NOX4: variants seen among roughly 807,000 people sequenced by gnomAD.
NOX4 encodes kidney oxidase-1.
In NOX4, 69 loss-of-function variants were observed where a neutral mutation model predicts 87.6. The ratio of observed to expected loss-of-function variants is 0.79; its 90% CI spans 0.65 to 0.96. The LOEUF (loss-of-function observed/expected upper bound fraction) is 0.96. Among genes scored for constraint, NOX4 ranks in the 40% least tolerant of loss-of-function variants. NOX4 has a pLI of 0.00. For missense variants in NOX4, 680 were observed against 681.5 expected, an observed-to-expected ratio of 1.00 and a Z score of 0.02; for synonymous variants, 275 against 238.2, an observed-to-expected ratio of 1.15 and a Z score of -1.42.
intron 8 of NOX4, among the ~76,000 whole-genome samples, chr11:89,419,422 GT>G (rs899947076): frequency 4.0e-5 from 6 of 150,930 alleles, no homozygotes; most frequent in African/African-American, 1.2e-4. Context: ...CATCAGTATA[GT>G]TTTTTTTTAA....
chr11:89,343,898 A>ACCCACTC (rs1368243264), intron 13 of NOX4, among the ~76,000 whole-genome samples: 4 of 151,996 alleles, frequency 2.6e-5, no homozygotes, highest in Admixed American at 2.6e-4. Flanking sequence ...TTCCTCCCTG[A>ACCCACTC]CCCACTCAAA....
intron 11 of NOX4, among the ~76,000 whole-genome samples, chr11:89,376,560 T>C (rs1316247032): frequency 6.6e-6 from 1 of 152,158 alleles, no homozygotes; most frequent in Non-Finnish European, 1.5e-5. Context: ...TACAGTATAA[T>C]ATGTGTAGTT....
intron 7 of NOX4, among the ~76,000 whole-genome samples, chr11:89,425,361 GC>G (rs1259512015): frequency 2.0e-5 from 3 of 147,422 alleles, no homozygotes; most frequent in Middle Eastern, 3.2e-3. Context: ...CATTGAAAAA[GC>G]ATGCAAAGAC....
chr11:89,495,546 C>G (rs141557142), upstream of NOX4, among the ~76,000 whole-genome samples: 578 of 152,194 alleles, frequency 3.8e-3, 4 homozygotes, highest in African/African-American at 0.014. Context: ...TGCAAAGTCC[C>G]TTTTTCCTTA....
intron 2 of NOX4, among the ~76,000 whole-genome samples, chr11:89,463,015 GGATA>G (rs1447289165): frequency 6.6e-6 from 1 of 151,592 alleles, no homozygotes; most frequent in African/African-American, 2.4e-5. Flanking sequence ...GTGTATGTAT[GGATA>G]TTCATTATAT....
At chr11:89,577,674 T>G in the NOX4 span, 1 of 152,166 alleles carries the variant, frequency 6.6e-6, no homozygotes, top group Non-Finnish European at 1.5e-5. Flanking sequence ...AGAGAAAAAC[T>G]TTTTTCTATT....
intron 13 of NOX4, among the ~76,000 whole-genome samples, chr11:89,343,488 G>T (rs1265048480): frequency 1.3e-5 from 2 of 151,350 alleles, no homozygotes; most frequent in Non-Finnish European, 2.9e-5. Context: ...CCAGGAGAGA[G>T]AAAATTTTGC....
chr11:89,506,763 T>C, the NOX4 span, among the ~76,000 whole-genome samples: 5 of 151,662 alleles, frequency 3.3e-5, no homozygotes, highest in Non-Finnish European at 5.9e-5. Context: ...CAATGAAAAA[T>C]ACAGATACCT....
At chr11:89,556,143 T>C in the NOX4 span, among the ~76,000 whole-genome samples, 1 of 152,078 alleles carries the variant, frequency 6.6e-6, no homozygotes, top group Non-Finnish European at 1.5e-5. Flanking sequence ...ACATCTACCC[T>C]ACAACATAGT....
Position 89,471,055 on chromosome 11 carries a change from A to T in NOX4, c.154-19160T>A, listed in dbSNP as rs569418660. Among the ~76,000 whole-genome samples, 5 of 152,260 alleles carry T rather than the reference A, an allele frequency of 3.3e-5. No individual in the cohort carries two copies. The South Asian group carries it at 1.0e-3, about 32-fold the overall frequency. On this transcript the variant is annotated intron_variant, in intron 2 of 17. Transcript: ENST00000263317. ...GTCACTTTCTCTGTAAGGGCTTGCT[A>T]GGGCCCATATCCCTATCTCCACCCT...
chr11:89,512,933 G>A, the NOX4 span, among the ~76,000 whole-genome samples: 2 of 152,072 alleles, frequency 1.3e-5, no homozygotes, highest in African/African-American at 4.8e-5. Flanking sequence ...GCAGAGTTCT[G>A]AGAACATACT....
chr11:89,429,961 T>A (rs1431043720), intron 7 of NOX4, among the ~76,000 whole-genome samples: 3 of 152,150 alleles, frequency 2.0e-5, no homozygotes, highest in African/African-American at 7.2e-5. Flanking sequence ...CTCAATAAAA[T>A]ACTGGCAAAC....
chr11:89,533,045 T>C, the NOX4 span, among the ~76,000 whole-genome samples: 1 of 152,168 alleles, frequency 6.6e-6, no homozygotes, highest in Non-Finnish European at 1.5e-5. Context: ...TACTTCTTCA[T>C]AGCAATGTGA....
At chr11:89,399,454 T>G (rs1175458424) in intron 11 of NOX4, among the ~76,000 whole-genome samples, 1 of 140,288 alleles carries the variant, frequency 7.1e-6, no homozygotes, top group East Asian at 2.0e-4. Flanking sequence ...TATATATATA[T>G]ATATATATAT....
At chr11:89,478,213 TC>T (rs1689900124) in intron 2 of NOX4, among the ~76,000 whole-genome samples, 2 of 152,018 alleles carry the variant, frequency 1.3e-5, no homozygotes, top group Admixed American at 1.3e-4. Context: ...CAAAAAAAAA[TC>T]TTATAAGCGA....
chr11:89,519,423 C>G, the NOX4 span, among the ~76,000 whole-genome samples: 17 of 151,904 alleles, frequency 1.1e-4, no homozygotes, highest in Non-Finnish European at 1.9e-4. Flanking sequence ...AGATAAAATG[C>G]AGGTAAATGA....
chr11:89,479,527 T>C (rs1199243491), intron 2 of NOX4, among the ~76,000 whole-genome samples: 1 of 152,204 alleles, frequency 6.6e-6, no homozygotes, highest in Non-Finnish European at 1.5e-5. Context: ...ATACTTTGGT[T>C]ATATCACTCA....
chr11:89,426,340 G>T (rs1230272346), intron 7 of NOX4, among the ~76,000 whole-genome samples: 1 of 152,068 alleles, frequency 6.6e-6, no homozygotes, highest in East Asian at 1.9e-4. Context: ...CTGAGGTACT[G>T]GGTTCATCTC....
At chr11:89,565,805 GC>G in the NOX4 span, among the ~76,000 whole-genome samples, 3 of 151,114 alleles carry the variant, frequency 2.0e-5, no homozygotes, top group Non-Finnish European at 4.4e-5. Flanking sequence ...TTTATCACTA[GC>G]TTTTGATTTT....
Sources: gnomAD v4.1 joint callset for allele counts (sites outside exome capture counted in the v4.1 genomes callset) on GRCh38, gnomAD v4.1.1 for gene constraint, MANE v1.5 for transcripts, NCBI Gene and HGNC (gene_info 2026-07-23, HGNC 2026-07-21) for gene names.